TRMT11: variants seen among roughly 807,000 people sequenced by gnomAD.
TRMT11 encodes tRNA (guanine(10)-N(2))-methyltransferase TRMT11.
Under a neutral mutation model 62.8 loss-of-function variants are expected in TRMT11, and 53 were observed. That is an observed-to-expected ratio of 0.84 (90% CI 0.68 to 1.06). The LOEUF (loss-of-function observed/expected upper bound fraction) is 1.06, where lower values mean the gene tolerates loss of function less well. Ranked by LOEUF, TRMT11 falls within the 50% of genes least tolerant of loss-of-function variation. TRMT11 has a pLI of 0.00. For synonymous variants in TRMT11, 188 were observed against 190.3 expected, an observed-to-expected ratio of 0.99 and a Z score of 0.10; for missense variants, 556 against 553.4, an observed-to-expected ratio of 1.00 and a Z score of -0.05.
intron 21 of TRMT11, among the ~76,000 whole-genome samples, chr6:126,155,727 C>G (rs1377738236): frequency 6.6e-6 from 1 of 152,120 alleles, no homozygotes; most frequent in Non-Finnish European, 1.5e-5. Flanking sequence ...TATTAAATCT[C>G]TTTTTCTTTT....
intron 21 of TRMT11, among the ~76,000 whole-genome samples, chr6:126,157,778 G>A (rs936644143): frequency 4.6e-5 from 7 of 152,254 alleles, no homozygotes; most frequent in Admixed American, 2.6e-4. Context: ...TTGTTCAAAA[G>A]AGAGTTACTC....
intron 12 of TRMT11, among the ~76,000 whole-genome samples, chr6:126,026,839 G>T (rs143312696): frequency 0.037 from 4,693 of 127,302 alleles, 267 homozygotes; most frequent in African/African-American, 0.14. Flanking sequence ...GTCTTGCTCT[G>T]TTGCCCAGGA....
chr6:126,205,213 A>G (rs1778778149), downstream of TRMT11, among the ~76,000 whole-genome samples: 1 of 152,248 alleles, frequency 6.6e-6, no homozygotes, highest in East Asian at 1.9e-4. Context: ...GCAAAAAGAA[A>G]AAGAATTAAG....
intron 21 of TRMT11, among the ~76,000 whole-genome samples, chr6:126,168,711 G>A (rs1204355400): frequency 1.3e-5 from 2 of 152,166 alleles, no homozygotes; most frequent in African/African-American, 4.8e-5. Context: ...TAGAGAAGGA[G>A]TTTCACCCTG....
chr6:126,227,025 G>GA, the TRMT11 span, among the ~76,000 whole-genome samples: 1 of 152,198 alleles, frequency 6.6e-6, no homozygotes, highest in Non-Finnish European at 1.5e-5. Flanking sequence ...CTTCTGCCAT[G>GA]ATTGTGAGGC....
chr6:126,055,518 C>G (rs1036969230), intron 17 of TRMT11, among the ~76,000 whole-genome samples: 1 of 152,120 alleles, frequency 6.6e-6, no homozygotes, highest in Non-Finnish European at 1.5e-5. Flanking sequence ...TTGTTAAGAA[C>G]TCATTTATTC....
At chr6:126,068,723 C>T (rs1036772099) in intron 17 of TRMT11, among the ~76,000 whole-genome samples, 3 of 152,198 alleles carry the variant, frequency 2.0e-5, no homozygotes, top group South Asian at 4.1e-4. Flanking sequence ...AAGAGCGTAT[C>T]GGCTATTCTT....
intron 21 of TRMT11, among the ~76,000 whole-genome samples, chr6:126,128,364 A>G (rs1018215842): frequency 2.0e-5 from 3 of 152,122 alleles, no homozygotes; most frequent in African/African-American, 7.2e-5. Context: ...TCACTTAGAG[A>G]TAAGAATATG....
chr6:126,044,437 A>G (rs949232446), intron 16 of TRMT11, among the ~76,000 whole-genome samples: 7 of 152,166 alleles, frequency 4.6e-5, no homozygotes, highest in Non-Finnish European at 8.8e-5. Flanking sequence ...TACCAGTACC[A>G]TGCTGTTTTG....
At position 125,998,299 on chromosome 6, in the gene TRMT11, A is replaced by C. The variant is rs749542360; in HGVS notation, c.371A>C (p.Lys124Thr). Residue 124 changes from lysine to threonine, a missense_variant, in exon 5 of 13, where the codon AAA becomes ACA. By Grantham distance (78) the Lys-to-Thr change is moderately conservative. Transcript: ENST00000334379. ...AATAAGACATTGACACAAGAAGAGA[A>C]AATCAAGCGAATAGATGTAAGTAAA... ...TFNKTLTQEEKIKRIDALEFL... is the reference protein window; with the variant it reads ...TFNKTLTQEETIKRIDALEFL... The C allele has an allele frequency of 3.1e-6, 5 of 1,595,302 alleles. No individual in the cohort carries two copies. Among genetic ancestry groups the C allele is most frequent in the Non-Finnish European group, 4.3e-6 (5 of 1,164,206 alleles).
chr6:126,129,226 C>T (rs562428349), intron 21 of TRMT11, among the ~76,000 whole-genome samples: 6 of 152,078 alleles, frequency 3.9e-5, no homozygotes, highest in South Asian at 2.1e-4. Context: ...TCACAATGTG[C>T]GCAACTTGAG....
chr6:126,060,925 A>G (rs1776518607), intron 17 of TRMT11, among the ~76,000 whole-genome samples: 1 of 152,242 alleles, frequency 6.6e-6, no homozygotes, highest in African/African-American at 2.4e-5. Context: ...GATCACTGGC[A>G]TGAGTGAAAT....
At chr6:126,152,111 C>A (rs1201931912) in intron 21 of TRMT11, among the ~76,000 whole-genome samples, 1 of 145,942 alleles carries the variant, frequency 6.9e-6, no homozygotes, top group Non-Finnish European at 1.5e-5. Flanking sequence ...TTAGTTCTCT[C>A]TCCTTTTTTG....
At chr6:126,093,631 A>ATATATATT (rs1554236842) in intron 17 of TRMT11, among the ~76,000 whole-genome samples, 6 of 98,014 alleles carry the variant, frequency 6.1e-5, no homozygotes, top group East Asian at 6.1e-4. Flanking sequence ...ATATATATAT[A>ATATATATT]TTTTCCCCCA....
At chr6:126,000,355 A>G (rs1170293284) in intron 7 of TRMT11, among the ~76,000 whole-genome samples, 1 of 152,114 alleles carries the variant, frequency 6.6e-6, no homozygotes, top group Non-Finnish European at 1.5e-5. Flanking sequence ...CCCTGTAGCC[A>G]TCTTTCCCCT....
chr6:126,131,151 A>G (rs899875069), intron 21 of TRMT11, among the ~76,000 whole-genome samples: 10 of 152,110 alleles, frequency 6.6e-5, no homozygotes, highest in African/African-American at 2.4e-4. Flanking sequence ...AAAAAAATCT[A>G]CCACAGAAAG....
At chr6:126,140,931 A>C (rs935530102) in intron 21 of TRMT11, among the ~76,000 whole-genome samples, 4 of 152,036 alleles carry the variant, frequency 2.6e-5, no homozygotes, top group African/African-American at 7.2e-5. Flanking sequence ...AATGCTTCGA[A>C]TTTTCTTAAA....
chr6:126,262,479 A>G, the TRMT11 span, among the ~76,000 whole-genome samples: 13 of 152,184 alleles, frequency 8.5e-5, no homozygotes, highest in African/African-American at 2.9e-4. Flanking sequence ...TGAATGTGAC[A>G]GAATGATCAT....
the TRMT11 span, among the ~76,000 whole-genome samples, chr6:126,256,374 A>G: frequency 1.3e-5 from 2 of 152,198 alleles, no homozygotes; most frequent in Non-Finnish European, 2.9e-5. Flanking sequence ...CAATGGTCAC[A>G]TCTCTTCCAA....
Sources: gnomAD v4.1 joint callset for allele counts (sites outside exome capture counted in the v4.1 genomes callset) on GRCh38, gnomAD v4.1.1 for gene constraint, MANE v1.5 for transcripts, NCBI Gene and HGNC (gene_info 2026-07-23, HGNC 2026-07-21) for gene names.